AP3M2: variants seen among roughly 807,000 people sequenced by gnomAD.
AP3M2 encodes AP-3 complex subunit mu-2.
A neutral mutation model predicts 41.6 loss-of-function variants in AP3M2; 28 were observed. The ratio of observed to expected loss-of-function variants is 0.67; its 90% CI spans 0.50 to 0.92. The LOEUF (loss-of-function observed/expected upper bound fraction) is 0.92, where lower values mean the gene tolerates loss of function less well. AP3M2 is among the 40% of genes least tolerant of loss of function. The pLI is 0.00. For synonymous variants in AP3M2, 193 were observed against 186.4 expected, an observed-to-expected ratio of 1.04 and a Z score of -0.29; for missense variants, 427 against 521.4, an observed-to-expected ratio of 0.82 and a Z score of 1.76.
rs781309301 is a variant in AP3M2 at position 42,155,936 on chromosome 8, G to A, written c.273+976G>A. The A allele has an allele frequency of 2.7e-4, 125 of 454,920 alleles. 1 individual carries two copies. The highest frequency in any genetic ancestry group is 2.2e-3 in the African/African-American group (111 of 50,002). The allele number at this position is 454,920 out of a possible 1,614,324, so 28.2% of individuals were successfully genotyped here. On this transcript the variant is annotated intron_variant, in intron 2 of 8. Coordinates refer to ENST00000396926, the MANE Select transcript of AP3M2 (RefSeq NM_006803.4). ...TCTAGAACAACTTCCCTTCCCAAGA[G>A]AATTAAAATACATTTTTTGTTTTTC...
chr8:42,167,814 A>G lies in AP3M2; in HGVS notation c.1156+4A>G, dbSNP rs764946431. 1.5e-5 allele frequency: 24 copies of G among 1,611,032 alleles called. No homozygotes were observed. Among genetic ancestry groups the G allele is most frequent in the Non-Finnish European group, 1.9e-5 (22 of 1,179,230 alleles). On this transcript the variant is annotated splice_donor_region_variant and intron_variant, in intron 8 of 8. Coordinates refer to ENST00000396926, the MANE Select transcript of AP3M2 (RefSeq NM_006803.4). ...ATCCAGCAGCTGGCCATTTCTGGTA[A>G]GTGACCCAGAGCTCAAGAGGCTCCA...
intron 8 of AP3M2, 43 bp downstream of exon 8, chr8:42,167,853 C>A: frequency 6.4e-7 from 1 of 1,571,848 alleles, no homozygotes; most frequent in Non-Finnish European, 8.6e-7. Context: ...GGAACAAAAA[C>A]GGCTTTCTGC....
Position 42,165,066 on chromosome 8 carries a change from C to T in AP3M2, c.584-5C>T. On this transcript the variant is annotated splice_region_variant and splice_polypyrimidine_tract_variant and intron_variant, in intron 4 of 8. Transcript: ENST00000396926. ...TGTGTTCTTTTTGTCTTATTCCTGTCTCAGGCTCCACAATTACTGCTGAGA... is the reference window on the plus strand; with the variant it reads ...TGTGTTCTTTTTGTCTTATTCCTGTTTCAGGCTCCACAATTACTGCTGAGA... The T allele has an allele frequency of 1.2e-6, 2 of 1,612,858 alleles. No homozygotes were observed. The highest frequency in any genetic ancestry group is 2.2e-5 in the East Asian group (1 of 44,854).
chr8:42,170,255 C>T lies in AP3M2; in HGVS notation c.*1194C>T, dbSNP rs1804762259. ...CATTTCCTCAGTCTTTTCTTTTGTACTCCTATCATGTATTCATTAATATCT... is the reference window on the plus strand; with the variant it reads ...CATTTCCTCAGTCTTTTCTTTTGTATTCCTATCATGTATTCATTAATATCT... On this transcript the variant is annotated 3_prime_UTR_variant, in exon 9 of 9. Transcript: ENST00000396926. 6.6e-6 allele frequency: 1 copy of T among 152,228 alleles called. No homozygotes were observed. The highest frequency in any genetic ancestry group is 6.5e-5 in the Admixed American group (1 of 15,286). The allele number at this position is 152,228 out of a possible 1,614,324, so 9.4% of individuals were successfully genotyped here. A position where few individuals can be genotyped will look rare whatever the true frequency, so the allele number is the denominator to read the frequency against.
At chr8:42,164,510 CAAAG>C (rs375997183) in intron 4 of AP3M2, among the ~76,000 whole-genome samples, 2 of 152,080 alleles carry the variant, frequency 1.3e-5, no homozygotes, top group African/African-American at 4.8e-5. Flanking sequence ...AAGGGATGTG[CAAAG>C]AAAGAGAACC....
rs181297721 is a variant in AP3M2, at chr8:42,165,850, T to C, written c.803+290T>C. On this transcript the variant is annotated intron_variant, in intron 6 of 8. Coordinates refer to ENST00000396926, the MANE Select transcript of AP3M2 (RefSeq NM_006803.4). ...AAGTTTGCTGTTATTTTTGTTGTTA[T>C]GTGTCTAAACAAGAACATTATTTTC... 583 of 302,842 alleles carry C rather than the reference T, an allele frequency of 1.9e-3. 8 individuals carry two copies. In the Admixed American group the frequency reaches 0.025, roughly 13 times the overall value. 18.8% of individuals were successfully genotyped at this position (302,842 alleles called of 1,614,324 possible). A position where few individuals can be genotyped will look rare whatever the true frequency, so the allele number is the denominator to read the frequency against.
chr8:42,160,262 T>C (rs1465511277), intron 3 of AP3M2, among the ~76,000 whole-genome samples: 2 of 152,190 alleles, frequency 1.3e-5, no homozygotes, highest in East Asian at 3.8e-4. Flanking sequence ...ACTCAATCTG[T>C]ATGAAGTTTG....
Position 42,167,802 on chromosome 8 carries a change from C to T in AP3M2, c.1148C>T (p.Ala383Val). The T allele has an allele frequency of 1.2e-6, 2 of 1,611,630 alleles. No homozygotes were observed. Among genetic ancestry groups the T allele is most frequent in the Non-Finnish European group, 8.5e-7 (1 of 1,179,364 alleles). ...INLQFKIQQL[A>V]ISGLKVNRLD... is the part of the protein sequence containing the mutation. The stretch of plus-strand genomic sequence containing the variant: ...CTGCAGTTTAAGATCCAGCAGCTGG[C>T]CATTTCTGGTAAGTGACCCAGAGCT... The change falls in exon 8 of 9, where the codon GCC (alanine) becomes GTC (valine). Residue 383 changes from alanine to valine, a missense_variant. This residue lies in a region of AP3M2 where 237 missense variants were observed against 284.9 expected (regional missense o/e 0.83). Coordinates refer to ENST00000396926, the MANE Select transcript of AP3M2 (RefSeq NM_006803.4).
Position 42,154,896 on chromosome 8 carries a change from T to A in AP3M2, c.209T>A (p.Ile70Asn). 1.2e-6 allele frequency: 2 copies of A among 1,614,198 alleles called. No individual in the cohort carries two copies. Among genetic ancestry groups the A allele is most frequent in the Non-Finnish European group, 1.7e-6 (2 of 1,180,032 alleles). Reference sequence around the variant, plus strand: ...CACAAGATCTTTTTTGTGGCCGTGATCCAGACGGAGGTCCCCCCTCTGTTT... The same window carrying A: ...CACAAGATCTTTTTTGTGGCCGTGAACCAGACGGAGGTCCCCCCTCTGTTT... ...YRHKIFFVAV[I>N]QTEVPPLFVI... The change falls in exon 2 of 9, where the codon ATC becomes AAC. Residue 70 changes from isoleucine to asparagine, a missense_variant. Ile to Asn is a moderately radical substitution (Grantham distance 149, BLOSUM62 -3). Coordinates refer to ENST00000396926, the MANE Select transcript of AP3M2 (RefSeq NM_006803.4).
intron 4 of AP3M2, among the ~76,000 whole-genome samples, chr8:42,163,783 C>G (rs1390898149): frequency 1.3e-5 from 2 of 152,146 alleles, no homozygotes; most frequent in African/African-American, 4.8e-5. Flanking sequence ...TGTTCCGTAT[C>G]TTGCTGTAGC....
Position 42,169,440 on chromosome 8 carries a change from A to G in AP3M2, c.*379A>G, listed in dbSNP as rs939582483. 1.3e-5 allele frequency: 2 copies of G among 156,958 alleles called. No homozygotes were observed. Among genetic ancestry groups the G allele is most frequent in the Admixed American group, 6.5e-5 (1 of 15,414 alleles). The allele number at this position is 156,958 out of a possible 1,614,324, so 9.7% of individuals were successfully genotyped here. On this transcript the variant is annotated 3_prime_UTR_variant, in exon 9 of 9. Transcript: ENST00000396926. Reference sequence around the variant, plus strand: ...ATTTTTTAAGATAGAAAGATTAAAAAGAAAGAAAGATGGGAAGAAAATGAA... The same window carrying G: ...ATTTTTTAAGATAGAAAGATTAAAAGGAAAGAAAGATGGGAAGAAAATGAA...
intron 6 of AP3M2, 189 bp downstream of exon 6, chr8:42,165,749 A>G (rs1024403548): frequency 3.5e-6 from 2 of 564,146 alleles, no homozygotes; most frequent in East Asian, 3.0e-5. Context: ...CTGTAAATTG[A>G]AAATAATAAA....
At position 42,167,338 on chromosome 8, in the gene AP3M2, A is replaced by G; in HGVS notation, c.978A>G (p.Ser326=). The part of the protein sequence containing the change: ...KGVLNMSLTP[S]QGTHTFDPVT... The stretch of plus-strand genomic sequence containing the variant: ...TCCTGAACATGAGCCTTACTCCATC[A>G]CAGGGGACACACACATTCGACCCAG... The change falls in exon 7 of 9, where the codon TCA becomes TCG. Residue 326 remains serine, a synonymous_variant. Transcript: ENST00000396926. The G allele has an allele frequency of 6.2e-7, 1 of 1,614,198 alleles. No homozygotes were observed. The highest frequency in any genetic ancestry group is 8.5e-7 in the Non-Finnish European group (1 of 1,180,046).
intron 2 of AP3M2, among the ~76,000 whole-genome samples, chr8:42,156,266 A>T (rs1288536236): frequency 6.6e-6 from 1 of 152,104 alleles, no homozygotes; most frequent in Non-Finnish European, 1.5e-5. Context: ...ACCATGGGGG[A>T]ATTTGGGAAA....
In AP3M2 at chr8:42,162,179, A is replaced by AT. The variant is rs1246906536; in HGVS notation, c.446-100dup. The AT allele has an allele frequency of 1.2e-5, 14 of 1,171,232 alleles. No individual in the cohort carries two copies. The East Asian group carries it at 3.7e-4, about 31-fold the overall frequency. 72.6% of individuals were successfully genotyped at this position (1,171,232 alleles called of 1,614,324 possible). On this transcript the variant is annotated intron_variant, in intron 3 of 8. Transcript: ENST00000396926. ...CATCTTCTGTTTGAAAAATTCTTCA[A>AT]TTGAGTGCATGAATAGTGGGAGCAT...
rs1804767024 is a variant in AP3M2, at chr8:42,170,421, C to T, written c.*1360C>T. On this transcript the variant is annotated 3_prime_UTR_variant, in exon 9 of 9. Transcript: ENST00000396926. ...ATGGCAACTAAAGGGATACCTCAGG[C>T]TTTCTTTCCCAGTGGGTCATTTTTG... The T allele has an allele frequency of 1.3e-5, 2 of 152,174 alleles. No homozygotes were observed. The highest frequency in any genetic ancestry group is 4.8e-5 in the African/African-American group (2 of 41,432). The allele number at this position is 152,174 out of a possible 1,614,324, so 9.4% of individuals were successfully genotyped here. A position where few individuals can be genotyped will look rare whatever the true frequency, so the allele number is the denominator to read the frequency against.
Position 42,154,642 on chromosome 8 carries a change from C to T in AP3M2, c.-46C>T. 3 of 1,602,246 alleles carry T rather than the reference C, an allele frequency of 1.9e-6. No individual in the cohort carries two copies. On this transcript the variant is annotated 5_prime_UTR_variant, in exon 2 of 9. Coordinates refer to ENST00000396926, the MANE Select transcript of AP3M2 (RefSeq NM_006803.4). ...GTTGAAAACTTACAGAGTCCTGAGG[C>T]TTTCAGACTGAAAAAGGCTTTCTTC...
chr8:42,157,999 A>C lies in AP3M2; in HGVS notation c.332A>C (p.Glu111Ala). The change falls in exon 3 of 9, where the codon GAG (glutamate) becomes GCG (alanine). Residue 111 changes from glutamate (E) to alanine (A), a missense_variant. By Grantham distance (107) the Glu-to-Ala change is moderately radical. This residue lies in a region of AP3M2 where 86 missense variants were observed against 142.6 expected (regional missense o/e 0.60). Transcript: ENST00000396926. ...AAAGACAATGTAGTTGTGGTTTATGAGGTATTGGAAGAGATGCTTGACAAT... is the reference window on the plus strand; with the variant it reads ...AAAGACAATGTAGTTGTGGTTTATGCGGTATTGGAAGAGATGCTTGACAAT... ...VIKDNVVVVY[E>A]VLEEMLDNGF... 2.5e-6 allele frequency: 4 copies of C among 1,614,126 alleles called. No homozygotes were observed. Among genetic ancestry groups the C allele is most frequent in the Non-Finnish European group, 3.4e-6 (4 of 1,180,018 alleles).
At chr8:42,164,110 A>G (rs1400502070) in intron 4 of AP3M2, among the ~76,000 whole-genome samples, 1 of 152,212 alleles carries the variant, frequency 6.6e-6, no homozygotes, top group Non-Finnish European at 1.5e-5. Flanking sequence ...CCATAGTGCA[A>G]TGAGGACAGA....
Sources: gnomAD v4.1 joint callset for allele counts (sites outside exome capture counted in the v4.1 genomes callset) on GRCh38, gnomAD v4.1.1 for gene constraint, gnomAD v4.1.1 regional missense constraint, MANE v1.5 for transcripts, NCBI Gene and HGNC (gene_info 2026-07-23, HGNC 2026-07-21) for gene names.